RIT2: variants seen among roughly 807,000 people sequenced by gnomAD.
RIT2 encodes GTP-binding protein Rit2.
RIT2 carries 24 observed loss-of-function variants against 23.7 expected under a neutral mutation model. The ratio of observed to expected loss-of-function variants is 1.01; its 90% CI spans 0.73 to 1.43. RIT2 has a LOEUF of 1.43. Ranked by LOEUF, RIT2 falls within the 40% of genes most tolerant of loss-of-function variation. The pLI, the probability that RIT2 is intolerant of heterozygous loss-of-function variation, is 0.00. For synonymous variants in RIT2, 107 were observed against 91.1 expected (o/e 1.17, Z -0.99); for missense variants, 236 against 266.9 (o/e 0.88, Z 0.81).
At position 42,743,293 on chromosome 18, in the gene RIT2, A is replaced by T. The variant is rs544036881; in HGVS notation, c.*200T>A. 3.7e-5 allele frequency: 22 copies of T among 587,522 alleles called. No homozygotes were observed. The African/African-American group carries it at 3.9e-4, about 10-fold the overall frequency. 36.4% of individuals were successfully genotyped at this position (587,522 alleles called of 1,614,324 possible). On this transcript the variant is annotated 3_prime_UTR_variant, in exon 5 of 5. Transcript: ENST00000326695. Reference sequence around the variant, plus strand: ...AAAAACTAAACAGCATATCCAGCTGATTGACAAAATCCATCCAACTGTTAA... The same window carrying T: ...AAAAACTAAACAGCATATCCAGCTGTTTGACAAAATCCATCCAACTGTTAA...
At chr18:42,991,741 G>C (rs936915110) in intron 2 of RIT2, among the ~76,000 whole-genome samples, 4 of 152,002 alleles carry the variant, frequency 2.6e-5, no homozygotes, top group Admixed American at 2.6e-4. Flanking sequence ...AAAAGCTCCC[G>C]TACTGAGCAC....
chr18:42,945,965 G>A (rs1363047038), intron 3 of RIT2, among the ~76,000 whole-genome samples: 1 of 152,064 alleles, frequency 6.6e-6, no homozygotes, highest in East Asian at 1.9e-4. Flanking sequence ...AGCACTAATT[G>A]GCTAATGTTT....
intron 4 of RIT2, among the ~76,000 whole-genome samples, chr18:42,786,326 GTGTACTCT>G (rs968741388): frequency 3.9e-5 from 6 of 152,010 alleles, no homozygotes; most frequent in African/African-American, 7.2e-5. Context: ...TACCTTCTGT[GTGTACTCT>G]TATTTACTCG....
chr18:42,874,868 T>A (rs1014980307), intron 4 of RIT2, among the ~76,000 whole-genome samples: 2 of 151,994 alleles, frequency 1.3e-5, no homozygotes, highest in African/African-American at 4.8e-5. Context: ...TTTCAAGGAG[T>A]CCAGATAAGG....
intron 2 of RIT2, among the ~76,000 whole-genome samples, chr18:42,986,713 G>C (rs1037588158): frequency 6.6e-6 from 1 of 151,510 alleles, no homozygotes; most frequent in Admixed American, 6.6e-5. Flanking sequence ...TGTTGGTCAG[G>C]CTGGTCTCAA....
At chr18:42,828,852 T>A (rs961414461) in intron 4 of RIT2, among the ~76,000 whole-genome samples, 1 of 152,200 alleles carries the variant, frequency 6.6e-6, no homozygotes, top group Admixed American at 6.5e-5. Context: ...AAGTAAAAAT[T>A]AGCATCCCTT....
chr18:43,098,509 TAAA>T (rs1272129300), intron 1 of RIT2, among the ~76,000 whole-genome samples: 3 of 151,868 alleles, frequency 2.0e-5, no homozygotes, highest in African/African-American at 7.2e-5. Flanking sequence ...TAAGGGAGAA[TAAA>T]GTCATCTCAG....
chr18:42,834,901 G>C (rs960655358), intron 4 of RIT2, among the ~76,000 whole-genome samples: 1 of 152,050 alleles, frequency 6.6e-6, no homozygotes, highest in Admixed American at 6.6e-5. Context: ...ACATAAATTA[G>C]TCTCATAACA....
At chr18:43,088,340 T>C (rs1913334899) in intron 1 of RIT2, among the ~76,000 whole-genome samples, 1 of 152,214 alleles carries the variant, frequency 6.6e-6, no homozygotes, top group African/African-American at 2.4e-5. Flanking sequence ...TTCTAATATT[T>C]CTAATACATT....
chr18:43,032,341 G>A (rs1001200579), intron 2 of RIT2, among the ~76,000 whole-genome samples: 4 of 151,994 alleles, frequency 2.6e-5, no homozygotes, highest in Admixed American at 1.3e-4. Flanking sequence ...TGATGAACAA[G>A]AGGCTGGTTT....
intron 4 of RIT2, among the ~76,000 whole-genome samples, chr18:42,892,970 A>G (rs1002442447): frequency 3.3e-5 from 5 of 152,138 alleles, no homozygotes; most frequent in Non-Finnish European, 5.9e-5. Flanking sequence ...AATTATTAGT[A>G]AAGCATGGAG....
chr18:42,904,596 G>T (rs1361837557), intron 4 of RIT2, among the ~76,000 whole-genome samples: 1 of 152,114 alleles, frequency 6.6e-6, no homozygotes, highest in Non-Finnish European at 1.5e-5. Flanking sequence ...ATTAGTTCTG[G>T]CCTACTGAGG....
intron 1 of RIT2, among the ~76,000 whole-genome samples, chr18:43,065,322 C>T (rs2144328532): frequency 6.8e-6 from 1 of 147,998 alleles, no homozygotes; most frequent in South Asian, 2.2e-4. Flanking sequence ...TCTAAAACTC[C>T]TGGGCTCAAG....
At chr18:42,901,285 T>G (rs921536889) in intron 4 of RIT2, among the ~76,000 whole-genome samples, 1 of 152,044 alleles carries the variant, frequency 6.6e-6, no homozygotes, top group African/African-American at 2.4e-5. Flanking sequence ...ATTAAAGCAC[T>G]TGTACAATTG....
At chr18:43,032,876 A>G (rs905999652) in intron 2 of RIT2, among the ~76,000 whole-genome samples, 2 of 152,130 alleles carry the variant, frequency 1.3e-5, no homozygotes, top group African/African-American at 4.8e-5. Context: ...ATCAAGTAGG[A>G]TCTTGAATTA....
At chr18:42,970,397 C>T (rs1454401081) in intron 3 of RIT2, among the ~76,000 whole-genome samples, 2 of 151,948 alleles carry the variant, frequency 1.3e-5, no homozygotes, top group Non-Finnish European at 2.9e-5. Context: ...TGGAAAGATG[C>T]TTAGGGTACA....
chr18:42,992,288 T>C (rs1039914455), intron 2 of RIT2, among the ~76,000 whole-genome samples: 1 of 152,178 alleles, frequency 6.6e-6, no homozygotes, highest in African/African-American at 2.4e-5. Context: ...TGGTCCCAAA[T>C]AGCCAGAAAA....
intron 1 of RIT2, among the ~76,000 whole-genome samples, chr18:43,084,746 G>A (rs1368431549): frequency 6.6e-6 from 1 of 152,144 alleles, no homozygotes; most frequent in African/African-American, 2.4e-5. Flanking sequence ...TTGGGGACTA[G>A]GGGAGGGATA....
intron 4 of RIT2, among the ~76,000 whole-genome samples, chr18:42,858,610 A>G (rs549600236): frequency 6.6e-6 from 1 of 152,332 alleles, no homozygotes; most frequent in East Asian, 1.9e-4. Flanking sequence ...TTTTTATTAT[A>G]TTTAAAAAAT....
Sources: allele counts gnomAD v4.1 joint callset (sites outside exome capture counted in the v4.1 genomes callset), GRCh38; gene constraint gnomAD v4.1.1; transcripts MANE v1.5; gene names NCBI Gene and HGNC (gene_info 2026-07-23, HGNC 2026-07-21).